DIAPH3: variants seen among roughly 807,000 people sequenced by gnomAD.
The protein encoded by DIAPH3 is protein diaphanous homolog 3.
In DIAPH3, 117 loss-of-function variants were observed where a neutral mutation model predicts 144.3. That is an observed-to-expected ratio of 0.81 (90% CI 0.70 to 0.95). DIAPH3 has a LOEUF of 0.95. Among genes scored for constraint, DIAPH3 ranks in the 40% least tolerant of loss-of-function variants. DIAPH3 has a pLI of 0.00. For missense variants in DIAPH3, 1,421 were observed against 1,412.7 expected (o/e 1.01, Z -0.09); for synonymous variants, 519 against 488.9 (o/e 1.06, Z -0.81).
intron 4 of DIAPH3, among the ~76,000 whole-genome samples, chr13:60,080,448 T>C (rs948540040): frequency 2.0e-5 from 3 of 151,880 alleles, no homozygotes; most frequent in African/African-American, 7.2e-5. Flanking sequence ...GGTTTCAGAA[T>C]TCACTTTCTA....
chr13:60,005,809 T>A lies in DIAPH3; in HGVS notation c.1014+2735A>T, dbSNP rs567304619. Among the ~76,000 whole-genome samples, 11 of 152,218 alleles carry A rather than the reference T, an allele frequency of 7.2e-5. No individual in the cohort carries two copies. The South Asian group carries it at 1.4e-3, about 20-fold the overall frequency. ...AAACGCACATTTTAAATGGGTAAAT[T>A]TTATGATACGTTAATTTAGTCTGAC... On this transcript the variant is annotated intron_variant, in intron 9 of 27. Transcript: ENST00000400324.
At chr13:59,831,412 C>A (rs1240270020) in intron 24 of DIAPH3, among the ~76,000 whole-genome samples, 2 of 151,790 alleles carry the variant, frequency 1.3e-5, no homozygotes, top group African/African-American at 4.8e-5. Flanking sequence ...TCCCATTGCC[C>A]TCTCTCAGTG....
intron 17 of DIAPH3, among the ~76,000 whole-genome samples, chr13:59,945,931 T>A (rs2140410584): frequency 6.6e-6 from 1 of 152,274 alleles, no homozygotes; most frequent in Middle Eastern, 3.4e-3. Context: ...AAAATATGCT[T>A]ACGAAGAAAA....
intron 25 of DIAPH3, among the ~76,000 whole-genome samples, chr13:59,792,504 C>T (rs1430860267): frequency 6.6e-6 from 1 of 152,180 alleles, no homozygotes; most frequent in Admixed American, 6.5e-5. Flanking sequence ...GTTCCTTGAC[C>T]TCCTCCTCTC....
At chr13:60,145,884 A>T (rs1034870552) in intron 1 of DIAPH3, among the ~76,000 whole-genome samples, 3 of 152,150 alleles carry the variant, frequency 2.0e-5, no homozygotes, top group Admixed American at 1.3e-4. Context: ...AGACTGAAAC[A>T]TAAGCCAAAA....
intron 5 of DIAPH3, among the ~76,000 whole-genome samples, chr13:60,030,603 C>T (rs942483525): frequency 2.0e-5 from 3 of 152,120 alleles, no homozygotes; most frequent in Admixed American, 6.6e-5. Flanking sequence ...TAAGGCTTCA[C>T]AATGATACAA....
intron 3 of DIAPH3, among the ~76,000 whole-genome samples, chr13:60,104,736 A>G (rs1487759852): frequency 1.3e-5 from 2 of 152,214 alleles, no homozygotes; most frequent in African/African-American, 4.8e-5. Flanking sequence ...AGAATTGTTC[A>G]AGTGTATGCA....
At chr13:59,834,979 A>G (rs907197838) in intron 23 of DIAPH3, among the ~76,000 whole-genome samples, 9 of 151,708 alleles carry the variant, frequency 5.9e-5, no homozygotes, top group African/African-American at 2.2e-4. Flanking sequence ...TTGGCCAGCT[A>G]TGACTTGGAA....
chr13:59,783,703 G>A (rs565771894), intron 25 of DIAPH3, among the ~76,000 whole-genome samples: 8 of 152,170 alleles, frequency 5.3e-5, no homozygotes, highest in Middle Eastern at 3.4e-3. Context: ...CCCCCTAAAC[G>A]TTGAAAGGGC....
intron 22 of DIAPH3, among the ~76,000 whole-genome samples, chr13:59,860,754 A>G (rs2043529557): frequency 6.6e-6 from 1 of 151,286 alleles, no homozygotes; most frequent in African/African-American, 2.4e-5. Context: ...AGGAAAAAAA[A>G]GAAAAAGAAA....
At chr13:59,741,341 C>T (rs1169447723) in intron 27 of DIAPH3, among the ~76,000 whole-genome samples, 1 of 152,166 alleles carries the variant, frequency 6.6e-6, no homozygotes, top group Admixed American at 6.5e-5. Context: ...ACTCTTGCAG[C>T]ATTTATGCTA....
intron 20 of DIAPH3, among the ~76,000 whole-genome samples, chr13:59,904,585 A>G (rs1293586418): frequency 6.6e-6 from 1 of 152,190 alleles, no homozygotes; most frequent in Non-Finnish European, 1.5e-5. Flanking sequence ...AATCAAATTA[A>G]AGAATTAACC....
chr13:59,902,236 G>C (rs1434827033), intron 20 of DIAPH3, among the ~76,000 whole-genome samples: 1 of 152,170 alleles, frequency 6.6e-6, no homozygotes, highest in Non-Finnish European at 1.5e-5. Flanking sequence ...GGTGGGAGAT[G>C]ACTGGATCAT....
At chr13:59,794,003 A>G (rs975181551) in intron 25 of DIAPH3, among the ~76,000 whole-genome samples, 4 of 152,210 alleles carry the variant, frequency 2.6e-5, no homozygotes, top group African/African-American at 9.7e-5. Flanking sequence ...CATTCAACAG[A>G]AACTGTACTT....
At chr13:59,799,745 A>C (rs1303341112) in intron 25 of DIAPH3, among the ~76,000 whole-genome samples, 2 of 152,224 alleles carry the variant, frequency 1.3e-5, no homozygotes, top group African/African-American at 4.8e-5. Context: ...AGAAATTAGA[A>C]GCAACAGCTC....
chr13:59,863,825 A>T (rs1329684235), intron 21 of DIAPH3, among the ~76,000 whole-genome samples: 1 of 152,162 alleles, frequency 6.6e-6, no homozygotes, highest in African/African-American at 2.4e-5. Context: ...GACTCCATTG[A>T]CTACCTAGAC....
chr13:59,733,679 A>C (rs1310159811), intron 27 of DIAPH3, among the ~76,000 whole-genome samples: 1 of 152,226 alleles, frequency 6.6e-6, no homozygotes, highest in African/African-American at 2.4e-5. Context: ...CCAAGCAAAT[A>C]GTCACCCCCA....
intron 22 of DIAPH3, among the ~76,000 whole-genome samples, chr13:59,846,614 T>TA (rs139461645): frequency 0.053 from 8,069 of 151,236 alleles, 345 homozygotes; most frequent in East Asian, 0.27. Flanking sequence ...CTCAGTAGTA[T>TA]AAAAAAAAAT....
intron 27 of DIAPH3, among the ~76,000 whole-genome samples, chr13:59,667,177 G>A (rs1480044363): frequency 6.6e-6 from 1 of 152,136 alleles, no homozygotes; most frequent in Non-Finnish European, 1.5e-5. Context: ...AAAAAGAGAG[G>A]CCTTCCCTAG....
Sources: gnomAD v4.1 joint callset for allele counts (sites outside exome capture counted in the v4.1 genomes callset) on GRCh38, gnomAD v4.1.1 for gene constraint, MANE v1.5 for transcripts, NCBI Gene and HGNC (gene_info 2026-07-23, HGNC 2026-07-21) for gene names.